The following USP3 variants were observed in gnomAD, a reference collection of about 807,000 sequenced individuals.
USP3 encodes the protein ubiquitin carboxyl-terminal hydrolase 3.
USP3 carries 20 observed loss-of-function variants against 72.3 expected under a neutral mutation model. The observed-to-expected ratio is 0.28, with a 90% confidence interval of 0.19 to 0.40. USP3 has a LOEUF of 0.40. Ranked by LOEUF, USP3 falls within the 10% of genes least tolerant of loss-of-function variation. The pLI, the probability that USP3 is intolerant of heterozygous loss-of-function variation, is 1.00. For synonymous variants in USP3, 222 were observed against 225.3 expected, an observed-to-expected ratio of 0.99 and a Z score of 0.13; for missense variants, 479 against 633.9, an observed-to-expected ratio of 0.76 and a Z score of 2.62.
At chr15:63,556,309 T>G (rs2066507156) in intron 4 of USP3, 1 of 176,332 alleles carries the variant, frequency 5.7e-6, no homozygotes, top group Non-Finnish European at 1.2e-5. Flanking sequence ...TTCAGAACAG[T>G]AGTATCAGAC....
chr15:63,545,449 C>A (rs1052460696), intron 3 of USP3, among the ~76,000 whole-genome samples: 1 of 152,006 alleles, frequency 6.6e-6, no homozygotes, highest in African/African-American at 2.4e-5. Context: ...CTTTACATAC[C>A]CAAGATGATA....
At chr15:63,543,671 TTTAAA>T (rs1407760835) in intron 3 of USP3, among the ~76,000 whole-genome samples, 5 of 152,192 alleles carry the variant, frequency 3.3e-5, no homozygotes, top group African/African-American at 1.2e-4. Flanking sequence ...TCTAAAAGGT[TTTAAA>T]TTCTGCAAGA....
Position 63,590,870 on chromosome 15 carries a change from T to C in USP3, c.*44T>C, listed in dbSNP as rs754432620. On this transcript the variant is annotated 3_prime_UTR_variant, in exon 15 of 15. Transcript: ENST00000380324. The stretch of plus-strand genomic sequence containing the variant: ...ATTCACCAACCATACCAGAGAAACA[T>C]TTCCAGTTTTCCACAAATACTTGAT... 5.9e-6 allele frequency: 9 copies of C among 1,527,112 alleles called. No homozygotes were observed. Among genetic ancestry groups the C allele is most frequent in the Non-Finnish European group, 7.0e-6 (8 of 1,134,972 alleles). The allele number at this position is 1,527,112 out of a possible 1,614,324, so 94.6% of individuals were successfully genotyped here. A position where few individuals can be genotyped will look rare whatever the true frequency, so the allele number is the denominator to read the frequency against.
chr15:63,562,530 G>A (rs763565669), intron 7 of USP3, among the ~76,000 whole-genome samples: 3 of 152,192 alleles, frequency 2.0e-5, no homozygotes, highest in Non-Finnish European at 4.4e-5. Context: ...CAAGGCAGGA[G>A]GGGGAGAAAG....
Position 63,589,049 on chromosome 15 carries a change from C to T in USP3, c.1397+38C>T, listed in dbSNP as rs199708755. The T allele has an allele frequency of 2.5e-6, 4 of 1,609,706 alleles. No individual in the cohort carries two copies. In the African/African-American group the frequency reaches 5.3e-5, roughly 21 times the overall value. On this transcript the variant is annotated intron_variant, in intron 14 of 14. Coordinates refer to ENST00000380324, the MANE Select transcript of USP3 (RefSeq NM_006537.4). ...GCCAGCTTCTGGTGGGTGGGAATAC[C>T]TGGTGGCCAGCCCAATGACCTGCAG...
At chr15:63,536,938 A>T (rs1423331112) in intron 2 of USP3, 87 bp from the exon 3 acceptor site, 6 of 1,361,882 alleles carry the variant, frequency 4.4e-6, no homozygotes, top group Non-Finnish European at 5.0e-6. Context: ...CTTTATTTTG[A>T]TTTGATTAAT....
intron 1 of USP3, among the ~76,000 whole-genome samples, chr15:63,518,835 G>A (rs182200090): frequency 5.3e-4 from 81 of 151,794 alleles, no homozygotes; most frequent in African/African-American, 1.8e-3. Context: ...GCGTGATCTC[G>A]GCTCACTGCA....
At chr15:63,511,149 T>G (rs1595700528) in intron 1 of USP3, among the ~76,000 whole-genome samples, 1 of 150,516 alleles carries the variant, frequency 6.6e-6, no homozygotes, top group East Asian at 2.0e-4. Flanking sequence ...TTTTTCCTAT[T>G]TTATTGATTA....
chr15:63,520,119 A>G (rs2152652460), intron 1 of USP3, among the ~76,000 whole-genome samples: 1 of 152,304 alleles, frequency 6.6e-6, no homozygotes, highest in South Asian at 2.1e-4. Flanking sequence ...CTCTCAGCAC[A>G]GTAGAGCTGA....
intron 1 of USP3, among the ~76,000 whole-genome samples, chr15:63,523,223 T>C (rs2065941357): frequency 6.6e-6 from 1 of 152,214 alleles, no homozygotes; most frequent in African/African-American, 2.4e-5. Flanking sequence ...CACTGAGTGC[T>C]TTCCGTTGAT....
At chr15:63,561,921 A>G (rs2066614075) in intron 7 of USP3, among the ~76,000 whole-genome samples, 1 of 152,252 alleles carries the variant, frequency 6.6e-6, no homozygotes, top group Admixed American at 6.5e-5. Context: ...GAGTTGGATC[A>G]GTTTAGCCAC....
intron 11 of USP3, among the ~76,000 whole-genome samples, chr15:63,579,522 C>CATTA (rs2066918407): frequency 6.6e-6 from 1 of 152,168 alleles, no homozygotes; most frequent in African/African-American, 2.4e-5. Context: ...TTTGGGAAAA[C>CATTA]ATTAATTTCC....
intron 8 of USP3, among the ~76,000 whole-genome samples, chr15:63,564,778 T>C (rs1034141396): frequency 1.3e-5 from 2 of 152,260 alleles, no homozygotes; most frequent in African/African-American, 4.8e-5. Flanking sequence ...TTTTGTATTC[T>C]TAGCTGGGCT....
chr15:63,541,380 T>G (rs1170376324), intron 3 of USP3, among the ~76,000 whole-genome samples: 2 of 152,178 alleles, frequency 1.3e-5, no homozygotes, highest in Admixed American at 6.5e-5. Flanking sequence ...ATTAAAAATT[T>G]TAAAAAAGGA....
At chr15:63,517,147 C>T (rs998609620) in intron 1 of USP3, among the ~76,000 whole-genome samples, 10 of 151,932 alleles carry the variant, frequency 6.6e-5, no homozygotes, top group African/African-American at 2.2e-4. Context: ...CCCATTAACT[C>T]GTCATTAGGC....
intron 11 of USP3, among the ~76,000 whole-genome samples, chr15:63,583,849 A>C (rs2067006239): frequency 6.6e-6 from 1 of 152,154 alleles, no homozygotes; most frequent in Admixed American, 6.5e-5. Flanking sequence ...TATAGACTAC[A>C]TTCTGTTTAT....
rs548172446 is a variant in USP3, at chr15:63,541,045, T to G, written c.284+3889T>G. Among the ~76,000 whole-genome samples, 5 of 152,294 alleles carry G rather than the reference T, an allele frequency of 3.3e-5. No homozygotes were observed. The South Asian group carries it at 8.3e-4, about 25-fold the overall frequency. ...TTTTTATGGAGGTAGACCTTTGTAT[T>G]TAATAGATTTAAAATACTGAACCAA... On this transcript the variant is annotated intron_variant, in intron 3 of 14. Transcript: ENST00000380324.
intron 2 of USP3, 52 bp from the exon 3 acceptor site, chr15:63,536,973 C>G (rs879460905): frequency 1.3e-6 from 2 of 1,552,808 alleles, no homozygotes; most frequent in Non-Finnish European, 1.7e-6. Flanking sequence ...TTTCCTACTC[C>G]TTTAATTTCC....
chr15:63,522,242 G>A (rs972287924), intron 1 of USP3, among the ~76,000 whole-genome samples: 3 of 152,198 alleles, frequency 2.0e-5, no homozygotes, highest in African/African-American at 4.8e-5. Flanking sequence ...GAAGGGAGAC[G>A]TCCTCCTGCA....
Sources: gnomAD v4.1 joint callset for allele counts (sites outside exome capture counted in the v4.1 genomes callset) on GRCh38, gnomAD v4.1.1 for gene constraint, MANE v1.5 for transcripts, NCBI Gene and HGNC (gene_info 2026-07-23, HGNC 2026-07-21) for gene names.